Variants in AS3MT observed in about 807,000 individuals in gnomAD.
AS3MT encodes arsenite methyltransferase.
A neutral mutation model predicts 45.3 loss-of-function variants in AS3MT; 47 were observed. That is an observed-to-expected ratio of 1.04 (90% CI 0.82 to 1.32). The LOEUF (loss-of-function observed/expected upper bound fraction) is 1.32. Ranked by LOEUF, AS3MT falls within the 40% of genes most tolerant of loss-of-function variation. AS3MT has a pLI of 0.00. For synonymous variants in AS3MT, 141 were observed against 152.8 expected (o/e 0.92, Z 0.57); for missense variants, 396 against 451.1 (o/e 0.88, Z 1.11).
At chr10:102,900,120 C>A (rs1029204275) in intron 10 of AS3MT, among the ~76,000 whole-genome samples, 8 of 152,218 alleles carry the variant, frequency 5.3e-5, no homozygotes, top group Non-Finnish European at 8.8e-5. Context: ...TTACTCTACT[C>A]TGAGATCTGT....
At chr10:102,886,037 G>A (rs887526402) in intron 9 of AS3MT, among the ~76,000 whole-genome samples, 11 of 151,794 alleles carry the variant, frequency 7.2e-5, no homozygotes, top group Admixed American at 1.3e-4. Flanking sequence ...TTCTTTATCC[G>A]TTCATCTGTT....
At position 102,876,936 on chromosome 10, in the gene AS3MT, A is replaced by G; in HGVS notation, c.529-18A>G. The stretch of plus-strand genomic sequence containing the variant: ...AATCATTAATCATCTTGTTTGGACT[A>G]ATATGCCTCTGTTTCAGCATGGTGG... On this transcript the variant is annotated intron_variant, in intron 6 of 10. Transcript: ENST00000369880. 1 of 1,612,092 alleles carries G rather than the reference A, an allele frequency of 6.2e-7. No individual in the cohort carries two copies. Among genetic ancestry groups the G allele is most frequent in the East Asian group, 2.2e-5 (1 of 44,860 alleles).
At position 102,901,092 on chromosome 10, in the gene AS3MT, C is replaced by CAAAAAAAAAAAAAAAAAAAAAA. The variant is rs370301616; in HGVS notation, c.*411_*412insAAAAAAAAAAAAAAAAAAAAAA. On this transcript the variant is annotated 3_prime_UTR_variant, in exon 11 of 11. Transcript: ENST00000369880. The stretch of plus-strand genomic sequence containing the variant: ...ACAGAGCAAGACTCTGTCTCAAAAG[C>CAAAAAAAAAAAAAAAAAAAAAA]AAAAAAAAAAAAAAAAAAAGAAAGA... 1.3e-5 allele frequency: 1 copy of CAAAAAAAAAAAAAAAAAAAAAA among 75,884 alleles called. No individual in the cohort carries two copies. Among genetic ancestry groups the CAAAAAAAAAAAAAAAAAAAAAA allele is most frequent in the Non-Finnish European group, 2.4e-5 (1 of 41,178 alleles). The allele number at this position is 75,884 out of a possible 1,614,324, so 4.7% of individuals were successfully genotyped here.
At position 102,900,740 on chromosome 10, in the gene AS3MT, T is replaced by C. The variant is rs1162066027; in HGVS notation, c.*40T>C. 1 of 1,474,006 alleles carries C rather than the reference T, an allele frequency of 6.8e-7. No individual in the cohort carries two copies. Among genetic ancestry groups the C allele is most frequent in the African/African-American group, 1.4e-5 (1 of 72,084 alleles). 91.3% of individuals were successfully genotyped at this position (1,474,006 alleles called of 1,614,324 possible). ...AGGGGACCACAGTAGTGGGCAAGAG[T>C]GATCTGCATGTTTTTTAACCTGCTT... On this transcript the variant is annotated 3_prime_UTR_variant, in exon 11 of 11. Coordinates refer to ENST00000369880, the MANE Select transcript of AS3MT (RefSeq NM_020682.4).
intron 9 of AS3MT, among the ~76,000 whole-genome samples, chr10:102,888,955 A>G (rs1845012453): frequency 6.9e-6 from 1 of 145,726 alleles, no homozygotes; most frequent in Admixed American, 7.1e-5. Flanking sequence ...CAGTGGCACA[A>G]TCTCGGCCCA....
chr10:102,895,374 T>G lies in AS3MT; in HGVS notation c.1020+4696T>G, dbSNP rs188845518. Among the ~76,000 whole-genome samples, 197 of 152,066 alleles carry G rather than the reference T, an allele frequency of 1.3e-3. 1 individual carries two copies. Among genetic ancestry groups the G allele is most frequent in the African/African-American group, 4.5e-3 (185 of 41,504 alleles). On this transcript the variant is annotated intron_variant, in intron 10 of 10. Coordinates refer to ENST00000369880, the MANE Select transcript of AS3MT (RefSeq NM_020682.4). ...GCCACCATGCCTGGCTAATTTTTTG[T>G]ATTTTTAGTAGAGGCGGGGTCTCAT...
chr10:102,900,500 T>C (rs1163798807), intron 10 of AS3MT, 93 bp from the exon 11 acceptor site: 1 of 886,354 alleles, frequency 1.1e-6, no homozygotes, highest in African/African-American at 1.7e-5. Flanking sequence ...CTCTGTTCTG[T>C]GTAAGTCAAC....
intron 9 of AS3MT, among the ~76,000 whole-genome samples, chr10:102,879,642 G>T (rs912787076): frequency 6.6e-6 from 1 of 151,478 alleles, no homozygotes; most frequent in Non-Finnish European, 1.5e-5. Flanking sequence ...GGTGGTGGGT[G>T]CCTGTAATCC....
intron 9 of AS3MT, among the ~76,000 whole-genome samples, chr10:102,882,518 C>G (rs2134118874): frequency 6.6e-6 from 1 of 152,260 alleles, no homozygotes; most frequent in East Asian, 1.9e-4. Flanking sequence ...CTCCTGGCCT[C>G]AAGGGATCCT....
chr10:102,899,212 G>A (rs569690828), intron 10 of AS3MT, among the ~76,000 whole-genome samples: 21 of 152,206 alleles, frequency 1.4e-4, no homozygotes, highest in African/African-American at 4.8e-4. Context: ...GGCTGGTCTC[G>A]AACTCCTGAC....
rs1171157895 is a variant in AS3MT, at chr10:102,869,556, CAGTG to C, written c.-32_-29del. ...CGCCCTGAGTCGCAGGCCGAGGAGA[CAGTG>C]AGTGCGCGCCCTGAGTCGCAGGCCG... On this transcript the variant is annotated 5_prime_UTR_variant, in exon 1 of 11. Transcript: ENST00000369880. 1 of 1,527,048 alleles carries C rather than the reference CAGTG, an allele frequency of 6.5e-7. No individual in the cohort carries two copies. The highest frequency in any genetic ancestry group is 2.4e-5 in the East Asian group (1 of 41,876). 94.6% of individuals were successfully genotyped at this position (1,527,048 alleles called of 1,614,324 possible). A position where few individuals can be genotyped will look rare whatever the true frequency, so the allele number is the denominator to read the frequency against.
intron 10 of AS3MT, among the ~76,000 whole-genome samples, chr10:102,897,632 A>AT (rs1845198809): frequency 1.3e-5 from 2 of 151,676 alleles, no homozygotes; most frequent in Admixed American, 6.6e-5. Context: ...CGCCCGGCTC[A>AT]TTTTTTGTAT....
At chr10:102,879,768 C>CAAAAAA (rs1191489555) in intron 9 of AS3MT, among the ~76,000 whole-genome samples, 1 of 60,704 alleles carries the variant, frequency 1.6e-5, no homozygotes. Flanking sequence ...GACTCCATCT[C>CAAAAAA]AAAAAAAAAA....
intron 3 of AS3MT, among the ~76,000 whole-genome samples, chr10:102,871,478 C>T (rs1173931070): frequency 7.5e-6 from 1 of 133,748 alleles, no homozygotes; most frequent in Non-Finnish European, 1.5e-5. Context: ...ACCCGGGAGG[C>T]GGAGCTTGCA....
At chr10:102,897,644 T>G (rs1004068907) in intron 10 of AS3MT, among the ~76,000 whole-genome samples, 20 of 152,144 alleles carry the variant, frequency 1.3e-4, no homozygotes, top group African/African-American at 4.8e-4. Flanking sequence ...TTTTTGTATT[T>G]TAATAGAGAC....
At chr10:102,874,288 A>G (rs1013736840) in intron 5 of AS3MT, among the ~76,000 whole-genome samples, 2 of 152,126 alleles carry the variant, frequency 1.3e-5, no homozygotes, top group South Asian at 2.1e-4. Context: ...TGCCTTGTGC[A>G]GTAGGCATCT....
chr10:102,876,711 G>A (rs1844789455), intron 6 of AS3MT, among the ~76,000 whole-genome samples: 1 of 152,122 alleles, frequency 6.6e-6, no homozygotes, highest in African/African-American at 2.4e-5. Context: ...CTTTATTTAG[G>A]AGACAGACAC....
chr10:102,894,372 G>A (rs991499609), intron 10 of AS3MT, among the ~76,000 whole-genome samples: 2 of 151,780 alleles, frequency 1.3e-5, no homozygotes, highest in Non-Finnish European at 2.9e-5. Context: ...GCAGTGAGCC[G>A]AGATCATGCC....
intron 9 of AS3MT, among the ~76,000 whole-genome samples, chr10:102,880,661 A>C (rs1359902037): frequency 6.6e-6 from 1 of 152,202 alleles, no homozygotes; most frequent in Non-Finnish European, 1.5e-5. Context: ...GCTCCTCAAA[A>C]TATTAGGTGC....
Sources: gnomAD v4.1 joint callset for allele counts (sites outside exome capture counted in the v4.1 genomes callset) on GRCh38, gnomAD v4.1.1 for gene constraint, MANE v1.5 for transcripts, NCBI Gene and HGNC (gene_info 2026-07-23, HGNC 2026-07-21) for gene names.